The following FANCB variants were observed in gnomAD, a reference collection of about 807,000 sequenced individuals.
FANCB encodes FA complementation group B.
A neutral mutation model predicts 38.9 loss-of-function variants in FANCB; 5 were observed. The ratio of observed to expected loss-of-function variants is 0.13; its 90% CI spans 0.07 to 0.27. The LOEUF is 0.27. FANCB is among the 10% of genes least tolerant of loss of function. The pLI, the probability that FANCB is intolerant of heterozygous loss-of-function variation, is 1.00. For synonymous variants in FANCB, 236 were observed against 215.4 expected, an observed-to-expected ratio of 1.10 and a Z score of -0.84; for missense variants, 573 against 602.7, an observed-to-expected ratio of 0.95 and a Z score of 0.52.
the FANCB span, among the ~76,000 whole-genome samples, chrX:14,819,462 G>A: frequency 9.0e-6 from 1 of 111,503 alleles, no homozygotes. Context: ...GAAACGCAGG[G>A]GAGCCGAGGA....
chrX:14,717,012 C>T, the FANCB span, among the ~76,000 whole-genome samples: 2 of 110,839 alleles, frequency 1.8e-5, no homozygotes, highest in Admixed American at 9.6e-5. Flanking sequence ...TACTCTATTT[C>T]GTTATTTATG....
chrX:14,832,522 C>T (rs944964691), downstream of FANCB, among the ~76,000 whole-genome samples: 47 of 111,810 alleles, frequency 4.2e-4, no homozygotes, highest in Non-Finnish European at 1.5e-4. Context: ...TAAATGCCTA[C>T]ACAAAAAACT....
the FANCB span, among the ~76,000 whole-genome samples, chrX:14,724,223 C>T: frequency 8.9e-6 from 1 of 111,768 alleles, no homozygotes; most frequent in Admixed American, 9.5e-5. Context: ...CTGTTTCCCC[C>T]TCTAGAATGT....
chrX:14,835,324 G>A, downstream of FANCB: 1 of 486,723 alleles, frequency 2.1e-6, no homozygotes, highest in Non-Finnish European at 3.7e-6. Context: ...TCTTCCATCA[G>A]GTGGCTACAT....
At chrX:14,835,458 T>G, downstream of FANCB, 3 of 301,824 alleles carry the variant, frequency 9.9e-6, no homozygotes, top group South Asian at 1.1e-4. Flanking sequence ...GAATTATTAG[T>G]GTAGAGCAGC....
At chrX:14,748,308 T>G in the FANCB span, among the ~76,000 whole-genome samples, 3 of 112,017 alleles carry the variant, frequency 2.7e-5, no homozygotes, top group African/African-American at 9.8e-5. Context: ...TGTGAAAAAC[T>G]GAATCCTGCC....
the FANCB span, chrX:14,731,419 T>C: frequency 3.6e-5 from 4 of 111,929 alleles, no homozygotes; most frequent in Admixed American, 1.9e-4. Context: ...ACAGTATTTA[T>C]GGAGATGGTG....
At chrX:14,771,111 T>A in the FANCB span, among the ~76,000 whole-genome samples, 1 of 111,344 alleles carries the variant, frequency 9.0e-6, no homozygotes, top group East Asian at 2.8e-4. Flanking sequence ...ATTATGTTTC[T>A]TGGGGTTGAT....
chrX:14,729,699 A>C, the FANCB span, among the ~76,000 whole-genome samples: 1 of 111,423 alleles, frequency 9.0e-6, no homozygotes, highest in Admixed American at 9.6e-5. Flanking sequence ...CTTAGATGTA[A>C]CATCAACATT....
chrX:14,779,752 TAGA>T, the FANCB span, among the ~76,000 whole-genome samples: 1 of 109,428 alleles, frequency 9.1e-6, no homozygotes, highest in Non-Finnish European at 1.9e-5. Flanking sequence ...AAGTGAGGAC[TAGA>T]TGATAGTGGA....
the FANCB span, among the ~76,000 whole-genome samples, chrX:14,780,813 G>GT: frequency 4.1e-4 from 40 of 98,234 alleles, no homozygotes; most frequent in Middle Eastern, 5.0e-3. Flanking sequence ...GGTTTTTTTT[G>GT]TTTTTTTTTT....
the FANCB span, among the ~76,000 whole-genome samples, chrX:14,817,915 G>A: frequency 8.9e-6 from 1 of 111,792 alleles, no homozygotes; most frequent in Non-Finnish European, 1.9e-5. Flanking sequence ...AAAGGCCTTA[G>A]TTTGCCAACT....
the FANCB span, among the ~76,000 whole-genome samples, chrX:14,798,248 C>T: frequency 1.4e-4 from 15 of 109,782 alleles, no homozygotes; most frequent in African/African-American, 3.0e-4. Flanking sequence ...CTGCAAGCTC[C>T]GCCTCCCAGG....
chrX:14,727,636 AT>A, the FANCB span, among the ~76,000 whole-genome samples: 1 of 112,376 alleles, frequency 8.9e-6, no homozygotes, highest in Admixed American at 9.4e-5. Flanking sequence ...GTTATTCCAC[AT>A]TTTGAAAGGC....
chrX:14,796,371 TAC>T, the FANCB span, among the ~76,000 whole-genome samples: 35 of 98,694 alleles, frequency 3.5e-4, no homozygotes, highest in African/African-American at 6.2e-4. Flanking sequence ...TGTGTATGTA[TAC>T]ACACACACAC....
intron 1 of FANCB, 39 bp from the exon 2 acceptor site, chrX:14,869,082 A>T (rs1337098973): frequency 9.0e-6 from 1 of 111,577 alleles, no homozygotes; most frequent in East Asian, 2.8e-4. Context: ...GTTATATTCC[A>T]TCAAAATGTA....
chrX:14,856,826 G>T (rs1403276092), intron 5 of FANCB, among the ~76,000 whole-genome samples: 1 of 111,563 alleles, frequency 9.0e-6, no homozygotes, highest in Non-Finnish European at 1.9e-5. Context: ...ACCAATAAGA[G>T]ATATAATCAA....
At chrX:14,758,354 C>T in the FANCB span, among the ~76,000 whole-genome samples, 2 of 112,088 alleles carry the variant, frequency 1.8e-5, no homozygotes, top group African/African-American at 3.2e-5. Context: ...TCTCATCCTC[C>T]CTATACTACC....
At chrX:14,814,860 C>T in the FANCB span, among the ~76,000 whole-genome samples, 1,577 of 112,020 alleles carry the variant, frequency 0.014, 26 homozygotes, top group African/African-American at 0.041. Flanking sequence ...ACTATAAAGA[C>T]ACATGCACAC....
Sources: gnomAD v4.1 joint callset for allele counts (sites outside exome capture counted in the v4.1 genomes callset) on GRCh38, gnomAD v4.1.1 for gene constraint, MANE v1.5 for transcripts, NCBI Gene and HGNC (gene_info 2026-07-23, HGNC 2026-07-21) for gene names.